TMEM132C: variants seen among roughly 807,000 people sequenced by gnomAD.
TMEM132C encodes the protein transmembrane protein 132C.
A neutral mutation model predicts 61.4 loss-of-function variants in TMEM132C; 29 were observed. That is an observed-to-expected ratio of 0.47 (90% CI 0.35 to 0.64). The LOEUF (loss-of-function observed/expected upper bound fraction) is 0.64, where lower values mean the gene tolerates loss of function less well. Ranked by LOEUF, TMEM132C falls within the 30% of genes least tolerant of loss-of-function variation. TMEM132C has a pLI of 0.00. For missense variants in TMEM132C, 1,408 were observed against 1,476.9 expected (o/e 0.95, Z 0.76); for synonymous variants, 656 against 633.1 (o/e 1.04, Z -0.54).
At chr12:128,606,342 G>A (rs1258217427) in intron 3 of TMEM132C, among the ~76,000 whole-genome samples, 4 of 152,174 alleles carry the variant, frequency 2.6e-5, no homozygotes, top group East Asian at 1.9e-4. Flanking sequence ...TGGAGCCACC[G>A]CCTGGGGCTT....
chr12:128,403,643 A>C (rs1391717716), intron 1 of TMEM132C, among the ~76,000 whole-genome samples: 2 of 152,180 alleles, frequency 1.3e-5, no homozygotes, highest in African/African-American at 2.4e-5. Flanking sequence ...AGGCGGTCTT[A>C]TGTGATTCCC....
At chr12:128,527,804 A>C (rs374191609) in intron 2 of TMEM132C, among the ~76,000 whole-genome samples, 7 of 152,096 alleles carry the variant, frequency 4.6e-5, no homozygotes, top group East Asian at 1.9e-4. Flanking sequence ...TCAAGCCAAC[A>C]CTTGCCTAGG....
chr12:128,312,550 A>G (rs1313882883), intron 1 of TMEM132C, among the ~76,000 whole-genome samples: 1 of 152,096 alleles, frequency 6.6e-6, no homozygotes, highest in Non-Finnish European at 1.5e-5. Context: ...AGGGAGAGGG[A>G]GACTTGGATA....
rs745912132 is a variant in TMEM132C at position 128,467,898 on chromosome 12, G to A, written c.974+52278G>A. 2.6e-5 allele frequency among the ~76,000 whole-genome samples: 4 copies of A among 152,134 alleles called. No individual in the cohort carries two copies. In the East Asian group the frequency reaches 7.7e-4, roughly 29 times the overall value. On this transcript the variant is annotated intron_variant, in intron 2 of 8. Coordinates refer to ENST00000435159, the MANE Select transcript of TMEM132C (RefSeq NM_001136103.3). ...CATGTGTTACACCAGGATGCTCCTC[G>A]CCCTCATGAGGTTTATAGTCCGGTG...
chr12:128,487,102 A>G lies in TMEM132C; in HGVS notation c.975-56855A>G, dbSNP rs1199722910. Among the ~76,000 whole-genome samples, 3 of 152,286 alleles carry G rather than the reference A, an allele frequency of 2.0e-5. No individual in the cohort carries two copies. The East Asian group carries it at 5.8e-4, about 30-fold the overall frequency. On this transcript the variant is annotated intron_variant, in intron 2 of 8. Transcript: ENST00000435159. ...TATTCCGGAAACCCAGCCACCGACC[A>G]AGGGACTTTCTGGAGTGATTGGCTG...
intron 3 of TMEM132C, among the ~76,000 whole-genome samples, chr12:128,599,187 C>T (rs557692389): frequency 2.0e-5 from 3 of 152,272 alleles, no homozygotes; most frequent in African/African-American, 7.2e-5. Context: ...GGGTCATCAC[C>T]CCCAGCGTTT....
intron 2 of TMEM132C, among the ~76,000 whole-genome samples, chr12:128,431,807 TTGGCCCCCCAAAGTGCTTCGACCA>T (rs1869399363): frequency 6.6e-6 from 1 of 152,132 alleles, no homozygotes; most frequent in South Asian, 2.1e-4. Flanking sequence ...TTCACCTGCC[TTGGCCCCCCAAAGTGCTTCGACCA>T]TCTAGCACTT....
intron 1 of TMEM132C, among the ~76,000 whole-genome samples, chr12:128,336,418 G>A (rs965527008): frequency 6.6e-6 from 1 of 152,172 alleles, no homozygotes; most frequent in Non-Finnish European, 1.5e-5. Flanking sequence ...CTAACAGAAT[G>A]TCTCTAGTTA....
At chr12:128,603,201 T>C (rs1248081014) in intron 3 of TMEM132C, among the ~76,000 whole-genome samples, 2 of 152,258 alleles carry the variant, frequency 1.3e-5, no homozygotes, top group Middle Eastern at 3.4e-3. Flanking sequence ...AAATTTTGCA[T>C]TATCAGTTCT....
At chr12:128,383,247 G>A (rs1283966381) in intron 1 of TMEM132C, among the ~76,000 whole-genome samples, 1 of 152,166 alleles carries the variant, frequency 6.6e-6, no homozygotes, top group Non-Finnish European at 1.5e-5. Flanking sequence ...TTTGTGCTCT[G>A]TGTATATACG....
chr12:128,327,886 G>A (rs1266991773), intron 1 of TMEM132C, among the ~76,000 whole-genome samples: 4 of 152,112 alleles, frequency 2.6e-5, no homozygotes, highest in Admixed American at 1.3e-4. Flanking sequence ...AGAGGTTGTG[G>A]ACACCAAGTT....
intron 3 of TMEM132C, among the ~76,000 whole-genome samples, chr12:128,551,531 C>T (rs1198784376): frequency 1.3e-5 from 2 of 152,096 alleles, no homozygotes; most frequent in East Asian, 1.9e-4. Flanking sequence ...GAGTGCACGT[C>T]GTATTTACAG....
At chr12:128,323,488 G>A (rs1034161686) in intron 1 of TMEM132C, among the ~76,000 whole-genome samples, 1 of 152,216 alleles carries the variant, frequency 6.6e-6, no homozygotes, top group African/African-American at 2.4e-5. Flanking sequence ...TGCTCGTTGG[G>A]GGACCAGCTG....
chr12:128,309,348 A>G (rs1306586005), intron 1 of TMEM132C, among the ~76,000 whole-genome samples: 4 of 152,198 alleles, frequency 2.6e-5, no homozygotes, highest in Non-Finnish European at 4.4e-5. Context: ...CACAATAAGC[A>G]CCAACACTTG....
chr12:128,603,669 TC>T (rs1340586150), intron 3 of TMEM132C, among the ~76,000 whole-genome samples: 1 of 152,164 alleles, frequency 6.6e-6, no homozygotes, highest in Non-Finnish European at 1.5e-5. Context: ...TCTCTTTTCT[TC>T]CACTGTGCTG....
intron 8 of TMEM132C, among the ~76,000 whole-genome samples, chr12:128,701,899 CTTTTT>C (rs34680984): frequency 4.6e-5 from 6 of 130,074 alleles, no homozygotes; most frequent in East Asian, 4.1e-4. Flanking sequence ...GCTTCTTCTT[CTTTTT>C]TTTTTTTTTT....
chr12:128,417,376 G>C lies in TMEM132C; in HGVS notation c.974+1756G>C, dbSNP rs568116284. Among the ~76,000 whole-genome samples the C allele has an allele frequency of 7.2e-5, 11 of 152,226 alleles. No individual in the cohort carries two copies. In the East Asian group the frequency reaches 2.1e-3, roughly 29 times the overall value. On this transcript the variant is annotated intron_variant, in intron 2 of 8. Coordinates refer to ENST00000435159, the MANE Select transcript of TMEM132C (RefSeq NM_001136103.3). The stretch of plus-strand genomic sequence containing the variant: ...GGGTGAGCATGAGCCAAGCCACCTG[G>C]GTCCCTAGGTCTAAGGTCCACAACC...
At chr12:128,480,997 A>C (rs1301993894) in intron 2 of TMEM132C, among the ~76,000 whole-genome samples, 1 of 152,182 alleles carries the variant, frequency 6.6e-6, no homozygotes, top group Non-Finnish European at 1.5e-5. Context: ...TGTTCCCAGC[A>C]TCTCGCACGC....
intron 4 of TMEM132C, among the ~76,000 whole-genome samples, chr12:128,633,891 G>A (rs1442726506): frequency 6.6e-6 from 1 of 152,140 alleles, no homozygotes; most frequent in Non-Finnish European, 1.5e-5. Context: ...CCAAGATAAT[G>A]GGATAAGAGC....
Sources: gnomAD v4.1 joint callset for allele counts (sites outside exome capture counted in the v4.1 genomes callset) on GRCh38, gnomAD v4.1.1 for gene constraint, MANE v1.5 for transcripts, NCBI Gene and HGNC (gene_info 2026-07-23, HGNC 2026-07-21) for gene names.